Variants in LMF1 observed in about 807,000 individuals in gnomAD.
The protein encoded by LMF1 is transmembrane protein 112.
A neutral mutation model predicts 60.6 loss-of-function variants in LMF1; 68 were observed. That is an observed-to-expected ratio of 1.12 (90% CI 0.92 to 1.37). LMF1 has a LOEUF of 1.37. Ranked by LOEUF, LMF1 falls within the 40% of genes most tolerant of loss-of-function variation. The probability of loss-of-function intolerance (pLI) is 0.00; values close to 1 mark genes in which losing one functional copy is unlikely to be tolerated. For missense variants in LMF1, 948 were observed against 767.2 expected (o/e 1.24, Z -2.78); for synonymous variants, 418 against 324.7 (o/e 1.29, Z -3.09).
intron 2 of LMF1, among the ~76,000 whole-genome samples, chr16:950,550 GCCAATGACAGAGTCAGAGCCA>G (rs2072424007): frequency 8.3e-6 from 1 of 120,354 alleles, no homozygotes; most frequent in Admixed American, 8.2e-5. Context: ...GACAGAGTCA[GCCAATGACAGAGTCAGAGCCA>G]ACGACAGAGT....
chr16:898,056 A>G (rs1238991153), intron 4 of LMF1, among the ~76,000 whole-genome samples: 1 of 152,204 alleles, frequency 6.6e-6, no homozygotes, highest in Non-Finnish European at 1.5e-5. Flanking sequence ...GCCTCAGAAC[A>G]GTGGGCTGAG....
intron 2 of LMF1, among the ~76,000 whole-genome samples, chr16:938,977 C>A (rs968473214): frequency 5.3e-5 from 8 of 152,166 alleles, no homozygotes; most frequent in African/African-American, 1.9e-4. Context: ...AAAGTCCGTG[C>A]ATACAGAATG....
At chr16:967,706 C>T (rs554637827) in intron 1 of LMF1, among the ~76,000 whole-genome samples, 35 of 152,330 alleles carry the variant, frequency 2.3e-4, no homozygotes, top group African/African-American at 7.9e-4. Context: ...CGTCACGGCC[C>T]GAGAACGCCG....
chr16:910,482 G>A (rs1243918381), intron 4 of LMF1, among the ~76,000 whole-genome samples: 1 of 152,226 alleles, frequency 6.6e-6, no homozygotes, highest in Non-Finnish European at 1.5e-5. Flanking sequence ...TGAGCGTCAG[G>A]ACGGCGGGTC....
chr16:856,365 C>T (rs917664579), intron 10 of LMF1, among the ~76,000 whole-genome samples: 20 of 152,288 alleles, frequency 1.3e-4, no homozygotes, highest in Admixed American at 5.9e-4. Context: ...ACTGAAGGGA[C>T]GGGCTGGAAT....
At chr16:886,363 G>A (rs1477848791) in intron 5 of LMF1, among the ~76,000 whole-genome samples, 3 of 152,146 alleles carry the variant, frequency 2.0e-5, no homozygotes, top group Non-Finnish European at 2.9e-5. Flanking sequence ...GAGGACCCCA[G>A]GACAAGCGGG....
chr16:981,327 AGAGAGAGAGAGAGAGAGAGAGT>A, upstream of LMF1: 1 of 326,582 alleles, frequency 3.1e-6, no homozygotes, highest in East Asian at 9.7e-5. Context: ...AGAGAGAGAG[AGAGAGAGAGAGAGAGAGAGAGT>A]GTGTGTGTGT....
At chr16:888,848 G>A (rs1369570273) in intron 5 of LMF1, among the ~76,000 whole-genome samples, 3 of 152,204 alleles carry the variant, frequency 2.0e-5, no homozygotes, top group Admixed American at 6.5e-5. Context: ...ATGCACAGGT[G>A]GGCAGCAGGG....
In LMF1 at chr16:891,495, C is replaced by T. The variant is rs367930017; in HGVS notation, c.729+1512G>A. On this transcript the variant is annotated intron_variant, in intron 5 of 10. Transcript: ENST00000262301. ...GCACGCAGCCTTCGTGGACCTGAGC[C>T]CACTGCACCACTGCTGTCGCCACCG... Among the ~76,000 whole-genome samples, 9 of 152,358 alleles carry T rather than the reference C, an allele frequency of 5.9e-5. 1 individual carries two copies. The South Asian group carries it at 8.3e-4, about 14-fold the overall frequency.
intron 3 of LMF1, among the ~76,000 whole-genome samples, chr16:928,940 T>G (rs1344363391): frequency 6.6e-6 from 1 of 152,182 alleles, no homozygotes; most frequent in Non-Finnish European, 1.5e-5. Flanking sequence ...CCTCTGGGAC[T>G]CTATCTGGGC....
At chr16:868,853 GCAGGTGGGGGTGCAGGTA>G in intron 10 of LMF1, 73 bp downstream of exon 10, 1 of 837,634 alleles carries the variant, frequency 1.2e-6, no homozygotes, top group South Asian at 1.4e-5. Context: ...CTTCCCGTGA[GCAGGTGGGGGTGCAGGTA>G]CAGGTGGTGG....
At chr16:898,130 G>C (rs2070714477) in intron 4 of LMF1, among the ~76,000 whole-genome samples, 1 of 152,252 alleles carries the variant, frequency 6.6e-6, no homozygotes, top group East Asian at 1.9e-4. Flanking sequence ...GTCCCCCGTG[G>C]CTTCACATTG....
chr16:908,738 G>A (rs1386990558), intron 4 of LMF1, among the ~76,000 whole-genome samples: 2 of 152,224 alleles, frequency 1.3e-5, no homozygotes, highest in African/African-American at 4.8e-5. Flanking sequence ...GGTTCACACA[G>A]TAAAAACAGT....
rs1482121063 is a variant in LMF1, at chr16:854,381, C to G, written c.*151G>C. ...CCGCCACAGTATGTGACAACAGACC[C>G]CACCCTGGACCCCCGTGCTGGGGGC... On this transcript the variant is annotated 3_prime_UTR_variant, in exon 11 of 11. Transcript: ENST00000262301. 2 of 856,160 alleles carry G rather than the reference C, an allele frequency of 2.3e-6. No homozygotes were observed. Among genetic ancestry groups the G allele is most frequent in the East Asian group, 5.3e-5 (2 of 37,712 alleles). The allele number at this position is 856,160 out of a possible 1,614,324, so 53.0% of individuals were successfully genotyped here.
intron 3 of LMF1, among the ~76,000 whole-genome samples, chr16:932,434 T>C (rs1372432362): frequency 6.6e-6 from 1 of 152,220 alleles, no homozygotes; most frequent in African/African-American, 2.4e-5. Flanking sequence ...CACTGGGCTC[T>C]TGCCTCACGG....
At chr16:856,306 A>G (rs2151675752) in intron 10 of LMF1, among the ~76,000 whole-genome samples, 2 of 152,262 alleles carry the variant, frequency 1.3e-5, no homozygotes, top group South Asian at 4.1e-4. Context: ...TGCCAGGCAG[A>G]GAAGTCACAC....
At chr16:926,720 T>G (rs745642711) in intron 3 of LMF1, among the ~76,000 whole-genome samples, 3 of 152,142 alleles carry the variant, frequency 2.0e-5, no homozygotes, top group African/African-American at 7.2e-5. Context: ...CCCTAAGGGG[T>G]CCCGGCATCC....
chr16:856,538 T>C (rs780111263), intron 10 of LMF1, among the ~76,000 whole-genome samples: 15 of 152,200 alleles, frequency 9.9e-5, no homozygotes, highest in Non-Finnish European at 1.8e-4. Flanking sequence ...TGCAGTGGGA[T>C]TGCCCATCTT....
intron 1 of LMF1, among the ~76,000 whole-genome samples, chr16:977,811 C>T (rs1435092347): frequency 6.6e-6 from 1 of 151,844 alleles, no homozygotes; most frequent in Non-Finnish European, 1.5e-5. Flanking sequence ...TGCCCTGGGC[C>T]CAACACACAC....
Sources: gnomAD v4.1 joint callset for allele counts (sites outside exome capture counted in the v4.1 genomes callset) on GRCh38, gnomAD v4.1.1 for gene constraint, MANE v1.5 for transcripts, NCBI Gene and HGNC (gene_info 2026-07-23, HGNC 2026-07-21) for gene names.